The following DMD variants were observed in gnomAD, a reference collection of about 807,000 sequenced individuals.
DMD encodes the protein dystrophin, also known as mutant dystrophin.
In DMD, 63 loss-of-function variants were observed where a neutral mutation model predicts 330.1. The ratio of observed to expected loss-of-function variants is 0.19; its 90% CI spans 0.16 to 0.24. The LOEUF is 0.24. Among genes scored for constraint, DMD ranks in the 10% least tolerant of loss-of-function variants. The pLI, the probability that DMD is intolerant of heterozygous loss-of-function variation, is 1.00. For missense variants in DMD, 3,344 were observed against 2,684.1 expected, an observed-to-expected ratio of 1.25 and a Z score of -5.43; for synonymous variants, 1,223 against 959.8, an observed-to-expected ratio of 1.27 and a Z score of -5.07.
intron 44 of DMD, among the ~76,000 whole-genome samples, chrX:32,110,371 T>TA (rs1227673738): frequency 1.8e-5 from 2 of 111,483 alleles, no homozygotes; most frequent in Non-Finnish European, 3.8e-5. Context: ...GTTTCCACAG[T>TA]AAAAAAAGAA....
chrX:31,716,752 A>G (rs1427841963), intron 52 of DMD, among the ~76,000 whole-genome samples: 1 of 109,497 alleles, frequency 9.1e-6, no homozygotes, highest in Non-Finnish European at 1.9e-5. Flanking sequence ...GATAGTTTAT[A>G]TATCAGTCGT....
chrX:32,010,526 A>C (rs182573550), intron 44 of DMD, among the ~76,000 whole-genome samples: 1 of 111,827 alleles, frequency 8.9e-6, no homozygotes, highest in Non-Finnish European at 1.9e-5. Context: ...GTTGTCTTCT[A>C]TCTTCTCTAC....
intron 2 of DMD, among the ~76,000 whole-genome samples, chrX:32,862,237 T>C (rs1210655299): frequency 8.9e-6 from 1 of 112,243 alleles, no homozygotes; most frequent in Non-Finnish European, 1.9e-5. Flanking sequence ...TACAAGTTTT[T>C]ATAATCTCTC....
intron 34 of DMD, among the ~76,000 whole-genome samples, chrX:32,377,908 C>A (rs1347888282): frequency 1.8e-5 from 2 of 111,134 alleles, no homozygotes; most frequent in Non-Finnish European, 3.8e-5. Context: ...GACTTCTGCT[C>A]CAATATTTTT....
chrX:32,025,004 G>A (rs754697801), intron 44 of DMD, among the ~76,000 whole-genome samples: 2 of 111,485 alleles, frequency 1.8e-5, no homozygotes, highest in Non-Finnish European at 3.8e-5. Flanking sequence ...TTAAATCAGA[G>A]TGCATTTAGT....
At chrX:31,512,639 A>G (rs1212399237) in intron 55 of DMD, among the ~76,000 whole-genome samples, 7 of 110,236 alleles carry the variant, frequency 6.4e-5, no homozygotes, top group African/African-American at 9.9e-5. Context: ...AAGATCAGAT[A>G]GTTGTAGATA....
Position 32,265,204 on chromosome X carries a change from G to C in DMD, c.6290+22325C>G, listed in dbSNP as rs1215343855. On this transcript the variant is annotated intron_variant, in intron 43 of 78. Coordinates refer to ENST00000357033, the MANE Select transcript of DMD (RefSeq NM_004006.3). ...CCTGCTATGTGCAGCCTAGGGACTA[G>C]GTGCCCTGCATCCCAGCCACTCCAG... Among the ~76,000 whole-genome samples, 5 of 111,836 alleles carry C rather than the reference G, an allele frequency of 4.5e-5. No homozygotes were observed. In the East Asian group the frequency reaches 1.4e-3, roughly 32 times the overall value.
intron 46 of DMD, among the ~76,000 whole-genome samples, chrX:31,930,423 T>TTC (rs2094838866): frequency 9.0e-6 from 1 of 110,643 alleles, no homozygotes; most frequent in African/African-American, 3.3e-5. Context: ...ATCCCTAAAT[T>TTC]TCTCGAACTC....
chrX:31,730,948 C>T (rs5927037), intron 51 of DMD, among the ~76,000 whole-genome samples: 48,733 of 110,315 alleles, frequency 0.44, 8,455 homozygotes, highest in African/African-American at 0.62. Flanking sequence ...GATTTTCTAA[C>T]GAATTTTGGT....
At chrX:32,824,695 A>C (rs2078550951) in intron 4 of DMD, among the ~76,000 whole-genome samples, 1 of 111,829 alleles carries the variant, frequency 8.9e-6, no homozygotes. Context: ...CTGATGGTGG[A>C]TTTACAAACC....
intron 9 of DMD, among the ~76,000 whole-genome samples, chrX:32,696,247 T>C (rs995080922): frequency 8.9e-6 from 1 of 111,856 alleles, no homozygotes; most frequent in Non-Finnish European, 1.9e-5. Flanking sequence ...TCAGTCCTTT[T>C]GACACTTTTG....
At chrX:32,043,925 T>G (rs1266104629) in intron 44 of DMD, among the ~76,000 whole-genome samples, 1 of 112,035 alleles carries the variant, frequency 8.9e-6, no homozygotes, top group Non-Finnish European at 1.9e-5. Context: ...CCTAAAAGTG[T>G]TAAACAAGTT....
At chrX:32,343,699 T>G (rs748602688) in intron 39 of DMD, among the ~76,000 whole-genome samples, 18 of 111,952 alleles carry the variant, frequency 1.6e-4, no homozygotes, top group African/African-American at 5.2e-4. Context: ...ATGTATATCT[T>G]TAGCCTTGGG....
chrX:31,289,903 TTATTA>T (rs2053559869), intron 62 of DMD, among the ~76,000 whole-genome samples: 1 of 7,845 alleles, frequency 1.3e-4, no homozygotes, highest in African/African-American at 1.8e-3. Context: ...ATTCTGTTTA[TTATTA>T]TTATTATTAT....
chrX:31,980,940 C>T (rs1410918833), intron 44 of DMD, among the ~76,000 whole-genome samples: 3 of 111,793 alleles, frequency 2.7e-5, no homozygotes, highest in Non-Finnish European at 5.7e-5. Context: ...TCAGGGCATC[C>T]AGCAAATCTA....
At chrX:31,266,599 T>A (rs2051145653) in intron 62 of DMD, among the ~76,000 whole-genome samples, 1 of 111,818 alleles carries the variant, frequency 8.9e-6, no homozygotes, top group African/African-American at 3.2e-5. Context: ...GTTCCCCCAC[T>A]AGCCCGGCGC....
chrX:32,924,619 T>C (rs776714007), intron 2 of DMD, among the ~76,000 whole-genome samples: 6 of 112,231 alleles, frequency 5.3e-5, no homozygotes, highest in Non-Finnish European at 1.1e-4. Flanking sequence ...CACAGCCCTA[T>C]TGAAGTTAAT....
At chrX:33,204,510 GACTGGTCTAACTC>G (rs2051455445) in intron 1 of DMD, among the ~76,000 whole-genome samples, 1 of 110,746 alleles carries the variant, frequency 9.0e-6, no homozygotes, top group African/African-American at 3.3e-5. Context: ...CAATTTCGAA[GACTGGTCTAACTC>G]TCCCTATTAT....
intron 29 of DMD, among the ~76,000 whole-genome samples, chrX:32,424,664 C>A (rs1392305791): frequency 9.0e-6 from 1 of 110,689 alleles, no homozygotes; most frequent in Non-Finnish European, 1.9e-5. Context: ...GAGTATGGGA[C>A]CCAGTATTTT....
Sources: allele counts gnomAD v4.1 joint callset (sites outside exome capture counted in the v4.1 genomes callset), GRCh38; gene constraint gnomAD v4.1.1; transcripts MANE v1.5; gene names NCBI Gene and HGNC (gene_info 2026-07-23, HGNC 2026-07-21).